The following ALK variants were observed in gnomAD, a reference collection of about 807,000 sequenced individuals.
The protein encoded by ALK is ALK receptor tyrosine kinase.
Under a neutral mutation model 163.1 loss-of-function variants are expected in ALK, and 74 were observed. The observed-to-expected ratio is 0.45, with a 90% CI of 0.38 to 0.55. The LOEUF (loss-of-function observed/expected upper bound fraction) is 0.55. Among genes scored for constraint, ALK ranks in the 20% least tolerant of loss-of-function variants. The pLI is 0.00. For missense variants in ALK, 2,063 were observed against 2,105.3 expected, an observed-to-expected ratio of 0.98 and a Z score of 0.39; for synonymous variants, 960 against 843.2, an observed-to-expected ratio of 1.14 and a Z score of -2.40.
intron 3 of ALK, chr2:29,680,943 T>C (rs1407058113): frequency 1.3e-5 from 2 of 152,166 alleles, no homozygotes; most frequent in Non-Finnish European, 2.9e-5. Flanking sequence ...CTGTGAAGTC[T>C]GTCTTCCCTG....
intron 2 of ALK, among the ~76,000 whole-genome samples, chr2:29,705,170 A>G (rs948453134): frequency 6.8e-6 from 1 of 147,662 alleles, no homozygotes; most frequent in Non-Finnish European, 1.5e-5. Flanking sequence ...GTGAGCCGAG[A>G]TTGTGCCACT....
rs567909016 is a variant in ALK at position 29,541,963 on chromosome 2, T to C, written c.953-9847A>G. 5.9e-5 allele frequency among the ~76,000 whole-genome samples: 9 copies of C among 152,350 alleles called. No homozygotes were observed. The East Asian group carries it at 1.7e-3, about 29-fold the overall frequency. ...CCTCCCATAACCTGTCTTGCAACTA[T>C]AACCTGTTTTGGCCATACTCCAAGT... On this transcript the variant is annotated intron_variant, in intron 3 of 28. Transcript: ENST00000389048.
intron 1 of ALK, among the ~76,000 whole-genome samples, chr2:29,777,866 C>T (rs756165528): frequency 5.9e-5 from 9 of 152,196 alleles, no homozygotes; most frequent in Non-Finnish European, 8.8e-5. Flanking sequence ...CACCCCAGAA[C>T]GATCTCAGCC....
intron 4 of ALK, among the ~76,000 whole-genome samples, chr2:29,523,449 G>A (rs901006931): frequency 1.3e-5 from 2 of 152,126 alleles, no homozygotes; most frequent in African/African-American, 2.4e-5. Context: ...ACCAGTGCCT[G>A]GGACTGAGCA....
chr2:29,652,713 G>A (rs1034233670), intron 3 of ALK, among the ~76,000 whole-genome samples: 2 of 152,068 alleles, frequency 1.3e-5, no homozygotes, highest in African/African-American at 4.8e-5. Flanking sequence ...ATCACGCTTA[G>A]GTAATGATGT....
At position 29,235,856 on chromosome 2, in the gene ALK, C is replaced by CTTTTTTT. The variant is rs569363324; in HGVS notation, c.2356-2167_2356-2161dup. ...TACAGGCACAAGCTACCAGGCTCGA[C>CTTTTTTT]TTTTTTTTTTTTTTTTTTTTTTTTT... On this transcript the variant is annotated intron_variant, in intron 13 of 28. Transcript: ENST00000389048. Among the ~76,000 whole-genome samples the CTTTTTTT allele has an allele frequency of 7.3e-4, 28 of 38,292 alleles. 4 individuals carry two copies. Among genetic ancestry groups the CTTTTTTT allele is most frequent in the Admixed American group, 2.5e-3 (5 of 2,034 alleles). The allele number at this position is 38,292 out of a possible 152,430, so 25.1% of individuals were successfully genotyped here.
rs374205057 is a variant in ALK, at chr2:29,318,337, C to A, written c.1614G>T (p.Thr538=). 2.5e-6 allele frequency: 4 copies of A among 1,613,866 alleles called. No individual in the cohort carries two copies. In the African/African-American group the frequency reaches 5.3e-5, roughly 22 times the overall value. ...GAGAGCTCTTGATCGGTGCAGGAAACGTAGCACTGGTCACTGTAGCACTTT... is the reference window on the plus strand; with the variant it reads ...GAGAGCTCTTGATCGGTGCAGGAAAAGTAGCACTGGTCACTGTAGCACTTT... ...ASESATVTSA[T]FPAPIKSSPC... is the part of the protein sequence containing the mutation. The change falls in exon 8 of 29, where the codon ACG becomes ACT. Residue 538 remains threonine (T), a synonymous_variant. Coordinates refer to ENST00000389048, the MANE Select transcript of ALK (RefSeq NM_004304.5).
intron 11 of ALK, among the ~76,000 whole-genome samples, chr2:29,261,324 T>A (rs960535635): frequency 6.6e-6 from 1 of 152,146 alleles, no homozygotes; most frequent in African/African-American, 2.4e-5. Flanking sequence ...GCTGTCAATA[T>A]TGTTCATGGG....
intron 3 of ALK, among the ~76,000 whole-genome samples, chr2:29,594,782 G>A (rs369919684): frequency 6.6e-6 from 1 of 151,380 alleles, no homozygotes; most frequent in East Asian, 2.0e-4. Context: ...GCTCACTACT[G>A]GAGAAATGGG....
intron 11 of ALK, among the ~76,000 whole-genome samples, chr2:29,270,058 A>G (rs2148211618): frequency 6.6e-6 from 1 of 152,180 alleles, no homozygotes; most frequent in East Asian, 1.9e-4. Context: ...TTGAAGACCT[A>G]TTCAGTAATG....
At chr2:29,491,778 C>G (rs1470773722) in intron 4 of ALK, among the ~76,000 whole-genome samples, 1 of 152,070 alleles carries the variant, frequency 6.6e-6, no homozygotes, top group Admixed American at 6.6e-5. Context: ...AAGGCAGTGA[C>G]TAAAGGGGCA....
intron 4 of ALK, among the ~76,000 whole-genome samples, chr2:29,393,063 G>A (rs1313497920): frequency 6.7e-5 from 10 of 150,238 alleles, no homozygotes; most frequent in Admixed American, 5.3e-4. Flanking sequence ...AGGTTACTAA[G>A]TGTTCAAGGT....
At chr2:29,796,652 C>T (rs371808252) in intron 1 of ALK, among the ~76,000 whole-genome samples, 7 of 152,248 alleles carry the variant, frequency 4.6e-5, no homozygotes, top group East Asian at 1.9e-4. Flanking sequence ...GCAGAGACTA[C>T]GAATAACTTT....
chr2:29,876,559 A>G (rs985599996), intron 1 of ALK, among the ~76,000 whole-genome samples: 1 of 148,772 alleles, frequency 6.7e-6, no homozygotes, highest in Non-Finnish European at 1.5e-5. Flanking sequence ...GGTGATGGTA[A>G]TGATGATGCT....
chr2:29,759,239 G>A (rs1371069974), intron 1 of ALK, among the ~76,000 whole-genome samples: 1 of 152,022 alleles, frequency 6.6e-6, no homozygotes, highest in African/African-American at 2.4e-5. Flanking sequence ...TCACCTAACT[G>A]AGGTTTTCTG....
chr2:29,893,512 A>T (rs1299572575), intron 1 of ALK, among the ~76,000 whole-genome samples: 1 of 152,190 alleles, frequency 6.6e-6, no homozygotes, highest in Non-Finnish European at 1.5e-5. Flanking sequence ...TTGTTGTTAT[A>T]ACTAACAACC....
intron 3 of ALK, among the ~76,000 whole-genome samples, chr2:29,684,476 T>G (rs1678178704): frequency 6.6e-6 from 1 of 152,142 alleles, no homozygotes. Flanking sequence ...TTCCACTTCC[T>G]CACATGGATT....
intron 11 of ALK, among the ~76,000 whole-genome samples, chr2:29,260,120 T>C (rs1665049108): frequency 6.6e-6 from 1 of 152,256 alleles, no homozygotes; most frequent in Admixed American, 6.5e-5. Context: ...GTTGTGTTTG[T>C]TGGCTTTTTG....
chr2:29,899,136 T>G (rs888126233), intron 1 of ALK, among the ~76,000 whole-genome samples: 3 of 152,162 alleles, frequency 2.0e-5, no homozygotes, highest in Non-Finnish European at 4.4e-5. Context: ...TGAGAAACTC[T>G]GGGGATGGGG....
Sources: gnomAD v4.1 joint callset for allele counts (sites outside exome capture counted in the v4.1 genomes callset) on GRCh38, gnomAD v4.1.1 for gene constraint, MANE v1.5 for transcripts, NCBI Gene and HGNC (gene_info 2026-07-23, HGNC 2026-07-21) for gene names.